Variants in TACR1 observed in about 807,000 individuals in gnomAD.
The protein encoded by TACR1 is tachykinin receptor 1.
In TACR1, 25 loss-of-function variants were observed where a neutral mutation model predicts 35.8. The observed-to-expected ratio is 0.70, with a 90% CI of 0.51 to 0.98. The LOEUF (loss-of-function observed/expected upper bound fraction) is 0.98. Among genes scored for constraint, TACR1 ranks in the 50% least tolerant of loss-of-function variants. The pLI is 0.00. For synonymous variants in TACR1, 195 were observed against 206.7 expected, an observed-to-expected ratio of 0.94 and a Z score of 0.48; for missense variants, 478 against 522.9, an observed-to-expected ratio of 0.91 and a Z score of 0.84.
Position 75,065,883 on chromosome 2 carries a change from G to A in TACR1, c.585-12128C>T, listed in dbSNP as rs944691788. Among the ~76,000 whole-genome samples, 3 of 152,182 alleles carry A rather than the reference G, an allele frequency of 2.0e-5. No individual in the cohort carries two copies. In the South Asian group the frequency reaches 6.2e-4, roughly 32 times the overall value. On this transcript the variant is annotated intron_variant, in intron 2 of 4. Coordinates refer to ENST00000305249, the MANE Select transcript of TACR1 (RefSeq NM_001058.4). ...ACTTAAAATAATCAAAACAGTTTTA[G>A]TCCCAATAGCCTGTGACTAATAGCC...
rs185566404 is a variant in TACR1, at chr2:75,194,852, C to T, written c.389+3694G>A. On this transcript the variant is annotated intron_variant, in intron 1 of 4. Coordinates refer to ENST00000305249, the MANE Select transcript of TACR1 (RefSeq NM_001058.4). ...ACCAGGCCAGTGCTTGTCTGGACCTCGCTGTTGCTCCTGTTGCTATGTGCA... is the reference window on the plus strand; with the variant it reads ...ACCAGGCCAGTGCTTGTCTGGACCTTGCTGTTGCTCCTGTTGCTATGTGCA... Among the ~76,000 whole-genome samples the T allele has an allele frequency of 5.8e-3, 889 of 152,316 alleles. 27 individuals are homozygous for T. The highest frequency in any genetic ancestry group is 0.048 in the Admixed American group (741 of 15,310).
At position 75,046,583 on chromosome 2, in the gene TACR1, A is replaced by G. The variant is rs900451941; in HGVS notation, c.*2849T>C. On this transcript the variant is annotated 3_prime_UTR_variant, in exon 5 of 5. Coordinates refer to ENST00000305249, the MANE Select transcript of TACR1 (RefSeq NM_001058.4). ...ACTCCTCTCCTCACAAATCAGGCCAATGAGGTCAGTTCCTGAGTCCCCTTT... is the reference window on the plus strand; with the variant it reads ...ACTCCTCTCCTCACAAATCAGGCCAGTGAGGTCAGTTCCTGAGTCCCCTTT... 5 of 152,176 alleles carry G rather than the reference A, an allele frequency of 3.3e-5. No homozygotes were observed. The highest frequency in any genetic ancestry group is 1.2e-4 in the African/African-American group (5 of 41,432). 9.4% of individuals were successfully genotyped at this position (152,176 alleles called of 1,614,324 possible).
At chr2:75,091,351 A>T (rs1175718591) in intron 2 of TACR1, among the ~76,000 whole-genome samples, 1 of 151,942 alleles carries the variant, frequency 6.6e-6, no homozygotes, top group Non-Finnish European at 1.5e-5. Flanking sequence ...GATGTTCAAG[A>T]CCTCCTCAGA....
At chr2:75,071,189 T>G (rs1014928129) in intron 2 of TACR1, among the ~76,000 whole-genome samples, 4 of 152,216 alleles carry the variant, frequency 2.6e-5, no homozygotes, top group Admixed American at 2.6e-4. Flanking sequence ...TAGAAAAATG[T>G]GTTGATCCCT....
In TACR1 at chr2:75,052,406, C is replaced by G. The variant is rs1408922553; in HGVS notation, c.736-959G>C. On this transcript the variant is annotated intron_variant, in intron 3 of 4. Transcript: ENST00000305249. ...TTTCTATTTTTTATAAGCTCCCAGT[C>G]AAAGGCATTTTGTTACATCAGCCCA... Among the ~76,000 whole-genome samples, 8 of 152,262 alleles carry G rather than the reference C, an allele frequency of 5.3e-5. No individual in the cohort carries two copies. The South Asian group carries it at 1.7e-3, about 32-fold the overall frequency.
intron 1 of TACR1, chr2:75,187,009 C>G (rs185112320): frequency 6.6e-6 from 1 of 152,322 alleles, no homozygotes; most frequent in East Asian, 1.9e-4. Context: ...TGGCAGAAAG[C>G]CCAGCTCTTG....
At chr2:75,168,058 A>G (rs984511160) in intron 1 of TACR1, among the ~76,000 whole-genome samples, 1 of 152,246 alleles carries the variant, frequency 6.6e-6, no homozygotes, top group African/African-American at 2.4e-5. Flanking sequence ...ATTTAAAAAA[A>G]TAATCTTTGA....
chr2:75,176,838 G>A (rs1675432016), intron 1 of TACR1, among the ~76,000 whole-genome samples: 1 of 152,110 alleles, frequency 6.6e-6, no homozygotes, highest in South Asian at 2.1e-4. Context: ...CCAGAGGTCT[G>A]GGCTTCTCAG....
chr2:75,090,018 A>G (rs993812729), intron 2 of TACR1, among the ~76,000 whole-genome samples: 5 of 152,152 alleles, frequency 3.3e-5, no homozygotes, highest in African/African-American at 1.2e-4. Flanking sequence ...TGTTTTGCCA[A>G]TAAGAAGAGT....
At chr2:75,116,508 A>G (rs1673862519) in intron 2 of TACR1, among the ~76,000 whole-genome samples, 1 of 152,166 alleles carries the variant, frequency 6.6e-6, no homozygotes, top group East Asian at 1.9e-4. Flanking sequence ...ATTATGTTTG[A>G]TGTCATTGAG....
intron 2 of TACR1, among the ~76,000 whole-genome samples, chr2:75,093,805 C>T (rs1416488989): frequency 6.6e-6 from 1 of 152,100 alleles, no homozygotes; most frequent in Non-Finnish European, 1.5e-5. Context: ...AGTTTCATGG[C>T]TATTCCATTG....
chr2:75,077,145 T>G (rs964232785), intron 2 of TACR1, among the ~76,000 whole-genome samples: 1 of 152,164 alleles, frequency 6.6e-6, no homozygotes, highest in Non-Finnish European at 1.5e-5. Context: ...TAATTTTGTA[T>G]TTTTAGTAGA....
chr2:75,163,257 G>T (rs894888528), intron 1 of TACR1, among the ~76,000 whole-genome samples: 9 of 152,104 alleles, frequency 5.9e-5, no homozygotes, highest in Non-Finnish European at 2.9e-5. Flanking sequence ...GAGAAGTCAG[G>T]GTTTGTCTAT....
chr2:75,183,403 GTTAA>G (rs1173725267), intron 1 of TACR1, among the ~76,000 whole-genome samples: 3 of 152,122 alleles, frequency 2.0e-5, no homozygotes, highest in Non-Finnish European at 4.4e-5. Context: ...CTCTAAAAAG[GTTAA>G]TTATTGAGAT....
At chr2:75,151,343 T>G (rs1225828217) in intron 1 of TACR1, among the ~76,000 whole-genome samples, 2 of 152,206 alleles carry the variant, frequency 1.3e-5, no homozygotes, top group African/African-American at 4.8e-5. Flanking sequence ...TTTGTGGATC[T>G]GGCCCAGGGT....
intron 2 of TACR1, among the ~76,000 whole-genome samples, chr2:75,061,166 C>T (rs764142156): frequency 8.9e-5 from 12 of 134,246 alleles, no homozygotes; most frequent in African/African-American, 2.5e-4. Flanking sequence ...CCACATCTTG[C>T]GGTTGGGGGC....
chr2:75,069,864 G>A (rs534547169), intron 2 of TACR1, among the ~76,000 whole-genome samples: 1 of 152,246 alleles, frequency 6.6e-6, no homozygotes, highest in Non-Finnish European at 1.5e-5. Flanking sequence ...TCTCCAGGCT[G>A]AGACAGCATT....
At chr2:75,118,938 C>G (rs1673914112) in intron 2 of TACR1, 1 of 152,232 alleles carries the variant, frequency 6.6e-6, no homozygotes, top group East Asian at 1.9e-4. Context: ...CTTGTAGTTT[C>G]ATCTGAAAGA....
At chr2:75,192,985 C>T (rs1219595739) in intron 1 of TACR1, among the ~76,000 whole-genome samples, 3 of 152,090 alleles carry the variant, frequency 2.0e-5, no homozygotes, top group African/African-American at 7.2e-5. Context: ...TTTCCCTGTG[C>T]CTTGCTGCCT....
Sources: gnomAD v4.1 joint callset for allele counts (sites outside exome capture counted in the v4.1 genomes callset) on GRCh38, gnomAD v4.1.1 for gene constraint, MANE v1.5 for transcripts, NCBI Gene and HGNC (gene_info 2026-07-23, HGNC 2026-07-21) for gene names.